CNTNAP2: variants seen among roughly 807,000 people sequenced by gnomAD.
CNTNAP2 encodes contactin associated protein 2, also known as contactin-associated protein-like 2.
A neutral mutation model predicts 155.2 loss-of-function variants in CNTNAP2; 98 were observed. That is an observed-to-expected ratio of 0.63 (90% CI 0.54 to 0.75). The LOEUF (loss-of-function observed/expected upper bound fraction) is 0.75. Ranked by LOEUF, CNTNAP2 falls within the 30% of genes least tolerant of loss-of-function variation. The probability of loss-of-function intolerance (pLI) is 0.00; values close to 1 mark genes in which losing one functional copy is unlikely to be tolerated. For missense variants in CNTNAP2, 1,727 were observed against 1,688.1 expected (o/e 1.02, Z -0.40); for synonymous variants, 651 against 631.2 (o/e 1.03, Z -0.47).
chr7:146,968,829 T>C (rs1797716269), intron 3 of CNTNAP2, among the ~76,000 whole-genome samples: 1 of 148,004 alleles, frequency 6.8e-6, no homozygotes, highest in Non-Finnish European at 1.5e-5. Flanking sequence ...GCTCTGATTT[T>C]AGTTATTTCT....
At chr7:147,654,291 C>T (rs575333344) in intron 13 of CNTNAP2, among the ~76,000 whole-genome samples, 2 of 152,180 alleles carry the variant, frequency 1.3e-5, no homozygotes, top group African/African-American at 2.4e-5. Flanking sequence ...TTTTTGGCAT[C>T]GGAATGTTCT....
At position 146,971,704 on chromosome 7, in the gene CNTNAP2, C is replaced by G. The variant is rs1425220241; in HGVS notation, c.403-72203C>G. On this transcript the variant is annotated intron_variant, in intron 3 of 23. Coordinates refer to ENST00000361727, the MANE Select transcript of CNTNAP2 (RefSeq NM_014141.6). The stretch of plus-strand genomic sequence containing the variant: ...ATATGGGAGAAGTGGAGAGGGGTCA[C>G]TCTCTGGCCTACTATAAAAAGGCAC... 5.9e-5 allele frequency among the ~76,000 whole-genome samples: 9 copies of G among 152,042 alleles called. No homozygotes were observed. The South Asian group carries it at 1.7e-3, about 28-fold the overall frequency.
intron 1 of CNTNAP2, among the ~76,000 whole-genome samples, chr7:146,721,889 A>ATATATATATATATATATATATTTTTTT: frequency 1.4e-5 from 1 of 69,738 alleles, no homozygotes; most frequent in African/African-American, 1.9e-4. Flanking sequence ...ATATATATAT[A>ATATATATATATATATATATATTTTTTT]TTTTTTTTTT....
At chr7:147,215,512 C>A (rs1803248811) in intron 8 of CNTNAP2, among the ~76,000 whole-genome samples, 1 of 152,074 alleles carries the variant, frequency 6.6e-6, no homozygotes, top group Non-Finnish European at 1.5e-5. Flanking sequence ...TATGTCTTTT[C>A]ATGGCATTTT....
intron 15 of CNTNAP2, among the ~76,000 whole-genome samples, chr7:148,017,208 C>T (rs1802194941): frequency 6.6e-6 from 1 of 152,174 alleles, no homozygotes; most frequent in South Asian, 2.1e-4. Flanking sequence ...TGGGCATTTT[C>T]CCTGAACACC....
At chr7:146,405,842 C>A (rs1795783422) in intron 1 of CNTNAP2, among the ~76,000 whole-genome samples, 1 of 152,148 alleles carries the variant, frequency 6.6e-6, no homozygotes, top group Admixed American at 6.5e-5. Context: ...CTTTTTAGGA[C>A]AGAATGGGGC....
intron 4 of CNTNAP2, among the ~76,000 whole-genome samples, chr7:147,096,387 T>C (rs1452684742): frequency 6.6e-6 from 1 of 152,232 alleles, no homozygotes; most frequent in East Asian, 1.9e-4. Context: ...GTTACCTCCA[T>C]GTGAATAGGG....
intron 11 of CNTNAP2, among the ~76,000 whole-genome samples, chr7:147,534,178 C>T (rs1799501006): frequency 6.6e-6 from 1 of 152,022 alleles, no homozygotes. Flanking sequence ...TGTGATTGTC[C>T]CATTTGGTTG....
intron 13 of CNTNAP2, among the ~76,000 whole-genome samples, chr7:147,789,704 G>A (rs1013526413): frequency 1.3e-5 from 2 of 152,166 alleles, no homozygotes; most frequent in Admixed American, 6.5e-5. Flanking sequence ...CTGCTAGCAG[G>A]GCAAGAAAAA....
intron 13 of CNTNAP2, among the ~76,000 whole-genome samples, chr7:147,885,547 A>G (rs374308410): frequency 1.3e-4 from 20 of 151,696 alleles, no homozygotes; most frequent in African/African-American, 4.8e-4. Context: ...TGCAGAAGCC[A>G]CACTTTCTCC....
chr7:147,021,116 G>T (rs138925926), intron 3 of CNTNAP2, among the ~76,000 whole-genome samples: 1 of 152,128 alleles, frequency 6.6e-6, no homozygotes, highest in Non-Finnish European at 1.5e-5. Flanking sequence ...CCCAGGGTAC[G>T]CAGGCTGCAT....
At chr7:147,027,004 G>GAAAAAAAAAAAAACAAAAAAA (rs1798934918) in intron 3 of CNTNAP2, among the ~76,000 whole-genome samples, 82 of 67,144 alleles carry the variant, frequency 1.2e-3, no homozygotes, top group Non-Finnish European at 1.5e-3. Context: ...AAACAGAACA[G>GAAAAAAAAAAAAACAAAAAAA]AAAAAAAAAA....
At chr7:147,273,768 CATAT>C (rs1163441928) in intron 8 of CNTNAP2, among the ~76,000 whole-genome samples, 2 of 145,498 alleles carry the variant, frequency 1.4e-5, no homozygotes, top group African/African-American at 5.0e-5. Context: ...ATATTTTATA[CATAT>C]ATATTTATAT....
intron 8 of CNTNAP2, among the ~76,000 whole-genome samples, chr7:147,220,218 T>C (rs1803364261): frequency 6.6e-6 from 1 of 152,166 alleles, no homozygotes; most frequent in East Asian, 1.9e-4. Flanking sequence ...CCTTTATCAA[T>C]ATGAGATTTT....
chr7:146,266,201 G>A (rs1017235964), intron 1 of CNTNAP2, among the ~76,000 whole-genome samples: 2 of 152,078 alleles, frequency 1.3e-5, no homozygotes, highest in Non-Finnish European at 2.9e-5. Flanking sequence ...TAGAGACAAA[G>A]GCAATGTAAG....
chr7:148,373,135 TAC>T (rs2116643593), intron 21 of CNTNAP2, among the ~76,000 whole-genome samples: 1 of 152,146 alleles, frequency 6.6e-6, no homozygotes. Flanking sequence ...GAGGCTGTTG[TAC>T]AATTACCCTT....
At chr7:148,367,369 G>T (rs775231281) in intron 21 of CNTNAP2, among the ~76,000 whole-genome samples, 2 of 152,000 alleles carry the variant, frequency 1.3e-5, no homozygotes, top group Non-Finnish European at 1.5e-5. Flanking sequence ...AGAAAAAAAT[G>T]AACTGTTAAG....
intron 7 of CNTNAP2, 99 bp from the exon 8 acceptor site, chr7:147,132,146 G>A: frequency 2.0e-6 from 3 of 1,484,724 alleles, no homozygotes; most frequent in East Asian, 4.5e-5. Flanking sequence ...GGCTCAGGCT[G>A]TGCTTCAAAA....
At chr7:146,571,946 C>T (rs371268280) in intron 1 of CNTNAP2, among the ~76,000 whole-genome samples, 4 of 152,012 alleles carry the variant, frequency 2.6e-5, no homozygotes, top group Non-Finnish European at 4.4e-5. Flanking sequence ...TTGGCCATCC[C>T]GACCTCAGAT....
Sources: gnomAD v4.1 joint callset for allele counts (sites outside exome capture counted in the v4.1 genomes callset) on GRCh38, gnomAD v4.1.1 for gene constraint, MANE v1.5 for transcripts, NCBI Gene and HGNC (gene_info 2026-07-23, HGNC 2026-07-21) for gene names.